The following RPS6KC1 variants were observed in gnomAD, a reference collection of about 807,000 sequenced individuals.
RPS6KC1 encodes the protein inactive ribosomal protein S6 kinase delta-1.
RPS6KC1 carries 54 observed loss-of-function variants against 103.8 expected under a neutral mutation model. The ratio of observed to expected loss-of-function variants is 0.52; its 90% CI spans 0.42 to 0.65. The LOEUF (loss-of-function observed/expected upper bound fraction) is 0.65. Among genes scored for constraint, RPS6KC1 ranks in the 30% least tolerant of loss-of-function variants. The pLI is 0.00. For synonymous variants in RPS6KC1, 439 were observed against 438.7 expected (o/e 1.00, Z -0.01); for missense variants, 1,151 against 1,253.8 (o/e 0.92, Z 1.24).
intron 14 of RPS6KC1, among the ~76,000 whole-genome samples, chr1:213,268,145 C>G (rs1035240276): frequency 1.3e-5 from 2 of 151,838 alleles, no homozygotes; most frequent in African/African-American, 4.8e-5. Flanking sequence ...CCACACTTAA[C>G]CAAATTGTTG....
the RPS6KC1 span, among the ~76,000 whole-genome samples, chr1:213,813,941 C>T: frequency 6.6e-6 from 1 of 152,196 alleles, no homozygotes; most frequent in Non-Finnish European, 1.5e-5. Context: ...TAAACCTCAC[C>T]CAACCACTGC....
At chr1:213,252,854 G>A (rs1254861839) in intron 12 of RPS6KC1, among the ~76,000 whole-genome samples, 1 of 152,058 alleles carries the variant, frequency 6.6e-6, no homozygotes, top group Non-Finnish European at 1.5e-5. Context: ...TTTGGATAAA[G>A]CATTATGTTA....
chr1:213,789,788 T>A, the RPS6KC1 span, among the ~76,000 whole-genome samples: 1 of 152,186 alleles, frequency 6.6e-6, no homozygotes, highest in African/African-American at 2.4e-5. Flanking sequence ...GATAACATTG[T>A]CACGAATTTG....
At chr1:213,139,934 A>G (rs1477876547) in intron 6 of RPS6KC1, among the ~76,000 whole-genome samples, 2 of 151,906 alleles carry the variant, frequency 1.3e-5, no homozygotes, top group African/African-American at 4.8e-5. Flanking sequence ...AGCTTTGGGG[A>G]GTATGGTAAT....
At chr1:213,101,725 T>G (rs2082033189) in intron 3 of RPS6KC1, among the ~76,000 whole-genome samples, 1 of 152,200 alleles carries the variant, frequency 6.6e-6, no homozygotes, top group South Asian at 2.1e-4. Context: ...TTTTCTAGGT[T>G]ATTTTTCTAA....
the RPS6KC1 span, among the ~76,000 whole-genome samples, chr1:213,478,024 C>G: frequency 6.6e-6 from 1 of 152,198 alleles, no homozygotes; most frequent in African/African-American, 2.4e-5. Context: ...TGCGCTCTGC[C>G]TATTCATCCC....
chr1:213,542,501 G>A, the RPS6KC1 span, among the ~76,000 whole-genome samples: 6 of 152,150 alleles, frequency 3.9e-5, no homozygotes, highest in African/African-American at 1.4e-4. Flanking sequence ...CTTTGGTTGT[G>A]TCCTTTCTCT....
chr1:213,789,298 A>C, the RPS6KC1 span, among the ~76,000 whole-genome samples: 1 of 152,112 alleles, frequency 6.6e-6, no homozygotes, highest in African/African-American at 2.4e-5. Flanking sequence ...TAACTCCGGC[A>C]CCTTGGATAC....
chr1:213,622,666 C>T, the RPS6KC1 span, among the ~76,000 whole-genome samples: 19 of 152,092 alleles, frequency 1.2e-4, no homozygotes, highest in Non-Finnish European at 1.5e-5. Context: ...GCATTCCCTC[C>T]CCCTGACCCC....
At chr1:213,763,496 G>A in the RPS6KC1 span, among the ~76,000 whole-genome samples, 55 of 152,172 alleles carry the variant, frequency 3.6e-4, no homozygotes, top group African/African-American at 1.3e-3. Context: ...GGTCAATTCC[G>A]AGCAGGAAGA....
chr1:213,387,533 A>G, the RPS6KC1 span, among the ~76,000 whole-genome samples: 1 of 152,206 alleles, frequency 6.6e-6, no homozygotes, highest in Admixed American at 6.5e-5. Context: ...TGAAAGCCTC[A>G]GTTCAAAGGA....
the RPS6KC1 span, among the ~76,000 whole-genome samples, chr1:213,696,825 G>A: frequency 3.3e-5 from 5 of 152,106 alleles, no homozygotes; most frequent in African/African-American, 9.7e-5. Context: ...CATCAAGCAG[G>A]CATTTCTCCA....
the RPS6KC1 span, among the ~76,000 whole-genome samples, chr1:213,752,699 A>G: frequency 6.6e-6 from 1 of 152,254 alleles, no homozygotes; most frequent in Non-Finnish European, 1.5e-5. Flanking sequence ...GAAGTGGCAT[A>G]TAGTGTACCT....
intron 4 of RPS6KC1, among the ~76,000 whole-genome samples, chr1:213,113,565 T>G (rs1482085970): frequency 3.8e-4 from 57 of 151,396 alleles, no homozygotes; most frequent in African/African-American, 1.3e-3. Flanking sequence ...TTAGTTTAAT[T>G]AGATCCCATT....
At chr1:213,239,004 G>C (rs2094291130) in intron 10 of RPS6KC1, among the ~76,000 whole-genome samples, 1 of 152,150 alleles carries the variant, frequency 6.6e-6, no homozygotes, top group African/African-American at 2.4e-5. Context: ...GTTGTCAATA[G>C]ACTAAAGAAT....
chr1:213,060,048 C>T (rs1417786698), intron 1 of RPS6KC1, among the ~76,000 whole-genome samples: 2 of 152,022 alleles, frequency 1.3e-5, no homozygotes, highest in Non-Finnish European at 2.9e-5. Flanking sequence ...TAACTCCTGG[C>T]CTCAGGTGAT....
the RPS6KC1 span, among the ~76,000 whole-genome samples, chr1:213,375,926 G>A: frequency 2.0e-5 from 3 of 152,194 alleles, no homozygotes; most frequent in African/African-American, 4.8e-5. Context: ...CTGTCCTATC[G>A]TTTCTGCTGC....
intron 6 of RPS6KC1, among the ~76,000 whole-genome samples, chr1:213,162,317 G>C (rs529414807): frequency 6.6e-5 from 10 of 152,192 alleles, no homozygotes; most frequent in Admixed American, 5.2e-4. Flanking sequence ...ATCTCTCTCT[G>C]TTGCCCAGGC....
At chr1:213,747,018 T>C in the RPS6KC1 span, among the ~76,000 whole-genome samples, 1 of 152,006 alleles carries the variant, frequency 6.6e-6, no homozygotes, top group Non-Finnish European at 1.5e-5. Context: ...AAATATAAGT[T>C]TGGGAGCTAT....
Sources: allele counts gnomAD v4.1 joint callset (sites outside exome capture counted in the v4.1 genomes callset), GRCh38; gene constraint gnomAD v4.1.1; transcripts MANE v1.5; gene names NCBI Gene and HGNC (gene_info 2026-07-23, HGNC 2026-07-21).